Variants in PLOD1 observed in about 807,000 individuals in gnomAD.
The protein encoded by PLOD1 is lysine hydroxylase.
Under a neutral mutation model 94.7 loss-of-function variants are expected in PLOD1, and 70 were observed. The ratio of observed to expected loss-of-function variants is 0.74; its 90% CI spans 0.61 to 0.90. The LOEUF (loss-of-function observed/expected upper bound fraction) is 0.90, where lower values mean the gene tolerates loss of function less well. PLOD1 is among the 40% of genes least tolerant of loss of function. The pLI is 0.00. For missense variants in PLOD1, 905 were observed against 972.7 expected (o/e 0.93, Z 0.93); for synonymous variants, 417 against 400.2 (o/e 1.04, Z -0.50).
chr1:11,964,401 C>A, intron 12 of PLOD1, 101 bp downstream of exon 12: 1 of 1,288,954 alleles, frequency 7.8e-7, no homozygotes, highest in Non-Finnish European at 1.1e-6. Flanking sequence ...TTGTTACCCT[C>A]AAATTCCTGT....
chr1:11,939,850 C>T (rs1645604221), intron 1 of PLOD1, among the ~76,000 whole-genome samples: 1 of 152,180 alleles, frequency 6.6e-6, no homozygotes. Flanking sequence ...TCATGTGATC[C>T]ACCCGCCTTG....
chr1:11,940,547 T>C (rs1426036769), intron 1 of PLOD1, among the ~76,000 whole-genome samples: 1 of 152,238 alleles, frequency 6.6e-6, no homozygotes, highest in Non-Finnish European at 1.5e-5. Context: ...ATTTTACAGA[T>C]GAGAAAACTG....
intron 9 of PLOD1, among the ~76,000 whole-genome samples, chr1:11,960,309 G>A (rs1036600641): frequency 6.6e-6 from 1 of 152,194 alleles, no homozygotes; most frequent in Non-Finnish European, 1.5e-5. Context: ...GGATCACCTG[G>A]CACATTTTGT....
At chr1:11,967,212 G>C (rs1645825168) in intron 16 of PLOD1, 121 bp downstream of exon 16, 1 of 706,270 alleles carries the variant, frequency 1.4e-6, no homozygotes, top group Admixed American at 2.1e-5. Flanking sequence ...TTGACATAGG[G>C]GTGCTGGCAT....
In PLOD1 at chr1:11,950,667, C is replaced by T. The variant is rs1168860639; in HGVS notation, c.466+147C>T. The T allele has an allele frequency of 7.4e-6, 5 of 673,650 alleles. No homozygotes were observed. The Admixed American group carries it at 1.3e-4, about 17-fold the overall frequency. 41.7% of individuals were successfully genotyped at this position (673,650 alleles called of 1,614,324 possible). On this transcript the variant is annotated intron_variant, in intron 4 of 18. Transcript: ENST00000196061. ...TGAATAGAGCTCCTGACTTTTCAAC[C>T]CCAAATGTGCTCCCCTGCAGTTCTG...
At chr1:11,953,072 T>G (rs1186822338) in intron 5 of PLOD1, among the ~76,000 whole-genome samples, 1 of 152,060 alleles carries the variant, frequency 6.6e-6, no homozygotes, top group African/African-American at 2.4e-5. Context: ...TTTTTTATTT[T>G]TGGGATGGAG....
In PLOD1 at chr1:11,964,310, T is replaced by C; in HGVS notation, c.1328+10T>C. 1.9e-6 allele frequency: 1 copy of C among 516,520 alleles called. No individual in the cohort carries two copies. The highest frequency in any genetic ancestry group is 3.6e-6 in the Non-Finnish European group (1 of 278,624). The allele number at this position is 516,520 out of a possible 1,614,324, so 32.0% of individuals were successfully genotyped here. ...TGCAGGGGCGGCGTGTGTGAGTACC[T>C]GCAGGGTGGGGGTGGGTGGGGGACA... On this transcript the variant is annotated intron_variant, in intron 12 of 18. Transcript: ENST00000196061.
chr1:11,963,634 C>T lies in PLOD1; in HGVS notation c.1200C>T (p.Asn400=), dbSNP rs1645794518. The change falls in exon 11 of 19, where the codon AAC becomes AAT. Residue 400 remains asparagine (N), a splice_region_variant and synonymous_variant. Transcript: ENST00000196061. This position sits in a 1 kb window ranked among gnomAD's most constrained non-coding sequence, Gnocchi z 4.3. ...GCCTGCGGCTGCTGATCCAACAGAA[C>T]AAGTGAGGCTGCTCCGTCTGCACCC... The part of the protein sequence containing the change: ...PNSLRLLIQQ[N]KNVIAPLMTR... The T allele has an allele frequency of 1.9e-6, 3 of 1,585,318 alleles. No individual in the cohort carries two copies. The highest frequency in any genetic ancestry group is 1.3e-5 in the African/African-American group (1 of 74,640).
At chr1:11,939,272 A>C (rs368784534) in intron 1 of PLOD1, among the ~76,000 whole-genome samples, 1 of 152,062 alleles carries the variant, frequency 6.6e-6, no homozygotes, top group African/African-American at 2.4e-5. Flanking sequence ...CGGGGAGGCT[A>C]AGGTTGGCTC....
chr1:11,960,157 A>C (rs781007006), intron 9 of PLOD1, among the ~76,000 whole-genome samples: 7 of 152,010 alleles, frequency 4.6e-5, no homozygotes, highest in Non-Finnish European at 8.8e-5. Context: ...TTTTTAGTAG[A>C]GACGTGGTTT....
At chr1:11,940,151 T>C (rs914166475) in intron 1 of PLOD1, among the ~76,000 whole-genome samples, 1 of 152,120 alleles carries the variant, frequency 6.6e-6, no homozygotes, top group Non-Finnish European at 1.5e-5. Flanking sequence ...GCTTCCTGAG[T>C]AGCTGGGCCT....
In PLOD1 at chr1:11,964,766, G is replaced by A; in HGVS notation, c.1451G>A (p.Cys484Tyr). The A allele has an allele frequency of 6.2e-7, 1 of 1,613,688 alleles. No individual in the cohort carries two copies. Among genetic ancestry groups the A allele is most frequent in the Non-Finnish European group, 8.5e-7 (1 of 1,180,040 alleles). Residue 484 changes from cysteine (C) to tyrosine (Y), a missense_variant, in exon 13 of 19, where the codon TGT becomes TAT. Transcript: ENST00000196061. ...HSKLDPDMAF[C>Y]ANIRQQDVFM... ...AAGCTGGACCCCGACATGGCCTTCT[G>A]TGCCAACATCCGGCAGCAGGTCAGC...
rs765780712 is a variant in PLOD1, at chr1:11,975,011, G to A, written c.*203G>A. 4.5e-5 allele frequency: 29 copies of A among 650,764 alleles called. No homozygotes were observed. The highest frequency in any genetic ancestry group is 1.2e-4 in the South Asian group (7 of 58,316). The allele number at this position is 650,764 out of a possible 1,614,324, so 40.3% of individuals were successfully genotyped here. ...CACACCTTTATGGCTGGGGCTCTCCGTGGTGTTCTGGACCCAGCCCCTGGA... is the reference window on the plus strand; with the variant it reads ...CACACCTTTATGGCTGGGGCTCTCCATGGTGTTCTGGACCCAGCCCCTGGA... On this transcript the variant is annotated 3_prime_UTR_variant, in exon 19 of 19. Transcript: ENST00000196061.
chr1:11,957,500 A>G lies in PLOD1; in HGVS notation c.742-342A>G, dbSNP rs1315851202. On this transcript the variant is annotated intron_variant, in intron 7 of 18. Coordinates refer to ENST00000196061, the MANE Select transcript of PLOD1 (RefSeq NM_000302.4). The surrounding 1 kb of genome is among the most constrained non-coding windows in gnomAD (Gnocchi z 4.1). ...ATAGCATATTTGAGTGTGGTCCTTC[A>G]CCGCTGGAATGAGGGAGAGGAAGGA... Among the ~76,000 whole-genome samples the G allele has an allele frequency of 6.6e-6, 1 of 152,128 alleles. No homozygotes were observed. The highest frequency in any genetic ancestry group is 2.4e-5 in the African/African-American group (1 of 41,424).
In PLOD1 at chr1:11,948,131, T is replaced by A; in HGVS notation, c.168+64T>A. The A allele has an allele frequency of 2.7e-6, 3 of 1,123,508 alleles. No individual in the cohort carries two copies. The Admixed American group carries it at 5.1e-5, about 19-fold the overall frequency. 69.6% of individuals were successfully genotyped at this position (1,123,508 alleles called of 1,614,324 possible). A position where few individuals can be genotyped will look rare whatever the true frequency, so the allele number is the denominator to read the frequency against. ...TGGCAGGAGGATCTAGGAGCTAGTG[T>A]CCTTTCCAAACTACCACGTCTCTTA... On this transcript the variant is annotated intron_variant, in intron 2 of 18. Coordinates refer to ENST00000196061, the MANE Select transcript of PLOD1 (RefSeq NM_000302.4).
At chr1:11,946,020 C>T (rs954397739) in intron 1 of PLOD1, among the ~76,000 whole-genome samples, 7 of 152,068 alleles carry the variant, frequency 4.6e-5, no homozygotes, top group Admixed American at 3.9e-4. Context: ...TCAGTAATAC[C>T]TCTTCATGTG....
intron 2 of PLOD1, 104 bp downstream of exon 2, chr1:11,948,171 C>A: frequency 1.2e-6 from 1 of 840,054 alleles, no homozygotes; most frequent in Non-Finnish European, 2.1e-6. Flanking sequence ...AGACTTGGGG[C>A]CACAGGGGAG....
At position 11,972,832 on chromosome 1, in the gene PLOD1, T is replaced by C. The variant is rs368220913; in HGVS notation, c.1903-40T>C. 5.6e-6 allele frequency: 9 copies of C among 1,613,050 alleles called. No homozygotes were observed. The highest frequency in any genetic ancestry group is 2.7e-5 in the African/African-American group (2 of 74,876). Reference sequence around the variant, plus strand: ...CCTCTCCTGGCCTTTGTGTCCTCCTTAACTAACACGGGCTCTCTTGTCCCC... The same window carrying C: ...CCTCTCCTGGCCTTTGTGTCCTCCTCAACTAACACGGGCTCTCTTGTCCCC... On this transcript the variant is annotated intron_variant, in intron 17 of 18. Coordinates refer to ENST00000196061, the MANE Select transcript of PLOD1 (RefSeq NM_000302.4). The surrounding 1 kb of genome is among the most constrained non-coding windows in gnomAD (Gnocchi z 4.6).
rs1261338272 is a variant in PLOD1, at chr1:11,958,264, TCTC to T, written c.844-249_844-247del. On this transcript the variant is annotated intron_variant, in intron 8 of 18. Transcript: ENST00000196061. This position sits in a 1 kb window ranked among gnomAD's most constrained non-coding sequence, Gnocchi z 4.3. ...ACCTCGAACACCACGCCAGCCACGATCTCCTGACAGCAGGCCCTCAACCGAGTC... is the reference window on the plus strand; with the variant it reads ...ACCTCGAACACCACGCCAGCCACGATCTGACAGCAGGCCCTCAACCGAGTC... 2.0e-5 allele frequency among the ~76,000 whole-genome samples: 3 copies of T among 151,876 alleles called. No homozygotes were observed. Among genetic ancestry groups the T allele is most frequent in the Non-Finnish European group, 4.4e-5 (3 of 67,980 alleles).
Sources: allele counts gnomAD v4.1 joint callset (sites outside exome capture counted in the v4.1 genomes callset), GRCh38; gene constraint gnomAD v4.1.1; non-coding constraint Gnocchi (gnomAD v3.1); transcripts MANE v1.5; gene names NCBI Gene and HGNC (gene_info 2026-07-23, HGNC 2026-07-21).